Variants in CENPP observed in about 807,000 individuals in gnomAD.
CENPP encodes centromere protein P.
Under a neutral mutation model 35.6 loss-of-function variants are expected in CENPP, and 24 were observed. That is an observed-to-expected ratio of 0.67 (90% CI 0.49 to 0.95). The LOEUF is 0.95. Ranked by LOEUF, CENPP falls within the 40% of genes least tolerant of loss-of-function variation. CENPP has a pLI of 0.00. For missense variants in CENPP, 332 were observed against 345.3 expected (o/e 0.96, Z 0.31); for synonymous variants, 120 against 125.5 (o/e 0.96, Z 0.29).
intron 5 of CENPP, among the ~76,000 whole-genome samples, chr9:92,515,583 C>T (rs1006327698): frequency 6.6e-6 from 1 of 152,180 alleles, no homozygotes; most frequent in Non-Finnish European, 1.5e-5. Context: ...ATAATAGATA[C>T]TGTTCTGTTC....
At chr9:92,456,273 A>G (rs1389692065) in intron 5 of CENPP, 2 of 152,198 alleles carry the variant, frequency 1.3e-5, no homozygotes, top group Admixed American at 6.5e-5. Context: ...TTGAATGCCA[A>G]TAAGAAATAC....
intron 5 of CENPP, among the ~76,000 whole-genome samples, chr9:92,561,296 C>T (rs1188075483): frequency 1.3e-5 from 2 of 152,160 alleles, no homozygotes; most frequent in African/African-American, 2.4e-5. Flanking sequence ...CCGCAATCCC[C>T]CAAACTTGTT....
intron 4 of CENPP, among the ~76,000 whole-genome samples, chr9:92,363,489 G>A (rs966088480): frequency 4.6e-5 from 7 of 152,074 alleles, no homozygotes; most frequent in African/African-American, 1.2e-4. Flanking sequence ...TAGGTTTATA[G>A]CCTAGGAGCA....
chr9:92,361,267 A>C (rs1841741047), intron 4 of CENPP, among the ~76,000 whole-genome samples: 1 of 150,874 alleles, frequency 6.6e-6, no homozygotes, highest in South Asian at 2.1e-4. Context: ...CAGCCTCCCT[A>C]GTAGCTGGGA....
In CENPP at chr9:92,400,169, G is replaced by T. The variant is rs188428854; in HGVS notation, c.564+20310G>T. On this transcript the variant is annotated intron_variant, in intron 5 of 7. Transcript: ENST00000375587. ...TTTTGTTTTTGTTTTTGTTTTTTTTGAGACAGAGTCTTGCTCTGCCGCCTA... is the reference window on the plus strand; with the variant it reads ...TTTTGTTTTTGTTTTTGTTTTTTTTTAGACAGAGTCTTGCTCTGCCGCCTA... Among the ~76,000 whole-genome samples the T allele has an allele frequency of 2.8e-3, 429 of 151,346 alleles. 3 individuals are homozygous for T. Among genetic ancestry groups the T allele is most frequent in the African/African-American group, 0.01 (418 of 41,190 alleles).
chr9:92,502,082 A>G (rs922348665), intron 5 of CENPP, among the ~76,000 whole-genome samples: 59 of 152,346 alleles, frequency 3.9e-4, no homozygotes, highest in African/African-American at 1.3e-3. Flanking sequence ...GAGAAGGAGT[A>G]TGGCAGATTT....
intron 4 of CENPP, among the ~76,000 whole-genome samples, chr9:92,375,057 T>C (rs535965424): frequency 8.3e-4 from 126 of 152,336 alleles, no homozygotes; most frequent in African/African-American, 2.7e-3. Flanking sequence ...TTGCAGTTTA[T>C]GCACTTCTTG....
intron 6 of CENPP, among the ~76,000 whole-genome samples, chr9:92,611,801 C>T (rs527246416): frequency 4.3e-4 from 65 of 152,312 alleles, no homozygotes; most frequent in African/African-American, 1.5e-3. Flanking sequence ...TCCACCAGCC[C>T]CGGCGCCACC....
At chr9:92,562,671 T>A (rs1015563894) in intron 5 of CENPP, among the ~76,000 whole-genome samples, 2 of 152,160 alleles carry the variant, frequency 1.3e-5, no homozygotes, top group Non-Finnish European at 2.9e-5. Flanking sequence ...CTGAAACCCA[T>A]GCTTAGCGTG....
intron 5 of CENPP, among the ~76,000 whole-genome samples, chr9:92,566,081 T>G (rs1311400266): frequency 1.3e-5 from 2 of 151,976 alleles, no homozygotes; most frequent in Non-Finnish European, 2.9e-5. Context: ...GGCAGGTGGA[T>G]CACGAGGTCA....
chr9:92,541,406 C>T (rs1849314830), intron 5 of CENPP, among the ~76,000 whole-genome samples: 1 of 92,786 alleles, frequency 1.1e-5, no homozygotes, highest in Non-Finnish European at 2.1e-5. Flanking sequence ...CACTGCCACC[C>T]CCCTTCCCCC....
chr9:92,381,607 C>T lies in CENPP; in HGVS notation c.564+1748C>T, dbSNP rs78006857. On this transcript the variant is annotated intron_variant, in intron 5 of 7. Transcript: ENST00000375587. ...GATCATATTCCATTAAATGTATGTA[C>T]ATTTTGCTTATCCATTCATTTGCTG... Among the ~76,000 whole-genome samples, 1,097 of 152,230 alleles carry T rather than the reference C, an allele frequency of 7.2e-3. 17 individuals are homozygous for T. The highest frequency in any genetic ancestry group is 0.025 in the African/African-American group (1,030 of 41,536).
chr9:92,420,515 A>G (rs1366561698), intron 5 of CENPP, among the ~76,000 whole-genome samples: 1 of 152,166 alleles, frequency 6.6e-6, no homozygotes, highest in Admixed American at 6.5e-5. Flanking sequence ...ACTAACCTCA[A>G]GTGCTGTCCT....
At chr9:92,590,869 G>A (rs1222654106) in intron 5 of CENPP, among the ~76,000 whole-genome samples, 1 of 152,182 alleles carries the variant, frequency 6.6e-6, no homozygotes, top group Non-Finnish European at 1.5e-5. Flanking sequence ...CTAATCTGCA[G>A]CTTTTGACCC....
intron 4 of CENPP, among the ~76,000 whole-genome samples, chr9:92,366,220 C>T (rs1841886570): frequency 6.6e-6 from 1 of 151,202 alleles, no homozygotes; most frequent in South Asian, 2.1e-4. Context: ...AGGGTTCTGT[C>T]CCATTCTAAA....
At chr9:92,356,497 A>C (rs1841592873) in intron 4 of CENPP, among the ~76,000 whole-genome samples, 2 of 152,318 alleles carry the variant, frequency 1.3e-5, no homozygotes, top group African/African-American at 4.8e-5. Flanking sequence ...TTTTACAATC[A>C]ATTAGTACAG....
chr9:92,426,515 A>C (rs1843971442), intron 5 of CENPP, among the ~76,000 whole-genome samples: 1 of 152,232 alleles, frequency 6.6e-6, no homozygotes, highest in Non-Finnish European at 1.5e-5. Context: ...ATAAACATAA[A>C]TAAGCATAAA....
At chr9:92,339,253 A>G (rs1020167246) in intron 3 of CENPP, among the ~76,000 whole-genome samples, 21 of 152,270 alleles carry the variant, frequency 1.4e-4, no homozygotes, top group Admixed American at 1.2e-3. Context: ...TATCCTTTTC[A>G]TCAGTGTCCT....
intron 5 of CENPP, among the ~76,000 whole-genome samples, chr9:92,488,097 G>A (rs372557220): frequency 4.4e-4 from 67 of 152,254 alleles, no homozygotes; most frequent in African/African-American, 1.4e-3. Flanking sequence ...TATTAAATGC[G>A]TTTTGACCTA....
Sources: gnomAD v4.1 joint callset for allele counts (sites outside exome capture counted in the v4.1 genomes callset) on GRCh38, gnomAD v4.1.1 for gene constraint, MANE v1.5 for transcripts, NCBI Gene and HGNC (gene_info 2026-07-23, HGNC 2026-07-21) for gene names.